PTPN12: variants seen among roughly 807,000 people sequenced by gnomAD.
PTPN12 encodes the protein protein tyrosine phosphatase non-receptor type 12.
A neutral mutation model predicts 97.6 loss-of-function variants in PTPN12; 29 were observed. That is an observed-to-expected ratio of 0.30 (90% CI 0.22 to 0.41). The LOEUF (loss-of-function observed/expected upper bound fraction) is 0.41, where lower values mean the gene tolerates loss of function less well. Among genes scored for constraint, PTPN12 ranks in the 10% least tolerant of loss-of-function variants. The pLI is 1.00. For synonymous variants in PTPN12, 327 were observed against 300.4 expected (o/e 1.09, Z -0.91); for missense variants, 819 against 926.0 (o/e 0.88, Z 1.50).
chr7:77,613,293 G>A (rs1255469333), intron 11 of PTPN12, among the ~76,000 whole-genome samples: 1 of 144,264 alleles, frequency 6.9e-6, no homozygotes, highest in African/African-American at 2.6e-5. Context: ...TCCTGCCTCA[G>A]CCTCCCAAGT....
intron 8 of PTPN12, among the ~76,000 whole-genome samples, chr7:77,605,642 GTC>G (rs1231842729): frequency 6.6e-6 from 1 of 151,352 alleles, no homozygotes; most frequent in Non-Finnish European, 1.5e-5. Context: ...GGCCAGGCTT[GTC>G]TCCTGACCTC....
chr7:77,556,539 C>T (rs1213775803), intron 1 of PTPN12, among the ~76,000 whole-genome samples: 1 of 152,174 alleles, frequency 6.6e-6, no homozygotes, highest in East Asian at 1.9e-4. Context: ...CTCCGCAGGG[C>T]AGACCTTGTT....
chr7:77,545,015 A>G (rs1346965461), intron 1 of PTPN12, among the ~76,000 whole-genome samples: 1 of 152,244 alleles, frequency 6.6e-6, no homozygotes, highest in East Asian at 1.9e-4. Context: ...TTGAATTCAA[A>G]TATTTTAAAT....
chr7:77,548,173 T>C (rs149709067), intron 1 of PTPN12, among the ~76,000 whole-genome samples: 1 of 152,346 alleles, frequency 6.6e-6, no homozygotes, highest in East Asian at 1.9e-4. Context: ...TGTTTCTCAT[T>C]GGCATCTATC....
At chr7:77,609,221 AAAAAT>A (rs537891331) in intron 9 of PTPN12, among the ~76,000 whole-genome samples, 148 of 152,136 alleles carry the variant, frequency 9.7e-4, no homozygotes, top group South Asian at 2.7e-3. Flanking sequence ...CTCCGTCTCA[AAAAAT>A]AAAATAAAAT....
chr7:77,537,441 G>C lies in PTPN12; in HGVS notation c.-106G>C. 1.4e-6 allele frequency: 2 copies of C among 1,408,562 alleles called. No homozygotes were observed. Among genetic ancestry groups the C allele is most frequent in the Non-Finnish European group, 1.9e-6 (2 of 1,075,614 alleles). 87.3% of individuals were successfully genotyped at this position (1,408,562 alleles called of 1,614,324 possible). The stretch of plus-strand genomic sequence containing the variant: ...GCCGCGGGGCTTGGCGGGGTCGGGA[G>C]GGAGGGACGTGCTGGGGGAACGAGC... On this transcript the variant is annotated 5_prime_UTR_variant, in exon 1 of 18. Coordinates refer to ENST00000248594, the MANE Select transcript of PTPN12 (RefSeq NM_002835.4).
At chr7:77,590,009 CCTTGACTTTGAT>C (rs1208476345) in intron 5 of PTPN12, among the ~76,000 whole-genome samples, 1 of 152,116 alleles carries the variant, frequency 6.6e-6, no homozygotes, top group African/African-American at 2.4e-5. Context: ...TATCTGATAA[CCTTGACTTTGAT>C]CTTGACTTTG....
At chr7:77,545,404 A>C (rs2151296186) in intron 1 of PTPN12, among the ~76,000 whole-genome samples, 1 of 152,286 alleles carries the variant, frequency 6.6e-6, no homozygotes, top group African/African-American at 2.4e-5. Flanking sequence ...TTTTATTATT[A>C]AAAATATAAG....
At chr7:77,570,203 AAAAG>A (rs1293247002) in intron 1 of PTPN12, among the ~76,000 whole-genome samples, 5 of 152,244 alleles carry the variant, frequency 3.3e-5, no homozygotes, top group South Asian at 2.1e-4. Flanking sequence ...TTTTCAAAGA[AAAAG>A]AAAGGTTTAT....
At position 77,624,211 on chromosome 7, in the gene PTPN12, GAGCCA is replaced by G. The variant is rs1254930662; in HGVS notation, c.1026-2491_1026-2487del. 3.3e-5 allele frequency among the ~76,000 whole-genome samples: 5 copies of G among 151,276 alleles called. No individual in the cohort carries two copies. The East Asian group carries it at 9.8e-4, about 30-fold the overall frequency. On this transcript the variant is annotated intron_variant, in intron 12 of 17. Coordinates refer to ENST00000248594, the MANE Select transcript of PTPN12 (RefSeq NM_002835.4). ...GAGCCCTGAAGGCAGAGGTTGCAGT[GAGCCA>G]AGATAGTGCAACTGTACTCCAGCCC...
At chr7:77,594,790 A>G (rs1242268996) in intron 6 of PTPN12, among the ~76,000 whole-genome samples, 1 of 152,136 alleles carries the variant, frequency 6.6e-6, no homozygotes, top group Admixed American at 6.6e-5. Flanking sequence ...AGGCCACCAC[A>G]CCCGGCCAAA....
intron 4 of PTPN12, 128 bp from the exon 5 acceptor site, chr7:77,585,414 GA>G (rs1344966402): frequency 1.5e-6 from 1 of 685,708 alleles, no homozygotes; most frequent in Non-Finnish European, 2.4e-6. Flanking sequence ...ATTTAATATT[GA>G]AACTACTTTT....
At chr7:77,576,395 A>G (rs1787343601) in intron 2 of PTPN12, among the ~76,000 whole-genome samples, 1 of 152,066 alleles carries the variant, frequency 6.6e-6, no homozygotes, top group African/African-American at 2.4e-5. Context: ...ATTTCTAAAT[A>G]TGCTTAATAA....
At chr7:77,581,935 A>G (rs543250080) in intron 3 of PTPN12, among the ~76,000 whole-genome samples, 3 of 152,148 alleles carry the variant, frequency 2.0e-5, no homozygotes, top group Non-Finnish European at 4.4e-5. Context: ...GGATTACTGG[A>G]TAATACTGAT....
intron 2 of PTPN12, among the ~76,000 whole-genome samples, chr7:77,572,721 C>T (rs1444956731): frequency 6.6e-6 from 1 of 152,042 alleles, no homozygotes; most frequent in Non-Finnish European, 1.5e-5. Flanking sequence ...GTTTTGTCAT[C>T]CTTAAAATGG....
chr7:77,631,421 T>G (rs1789392883), intron 13 of PTPN12, among the ~76,000 whole-genome samples: 1 of 152,202 alleles, frequency 6.6e-6, no homozygotes, highest in African/African-American at 2.4e-5. Flanking sequence ...GGCAGAACTG[T>G]GTGTTCATTT....
intron 11 of PTPN12, among the ~76,000 whole-genome samples, chr7:77,614,155 G>A (rs1788672924): frequency 6.6e-6 from 1 of 152,100 alleles, no homozygotes; most frequent in Non-Finnish European, 1.5e-5. Context: ...AAAGCACTGA[G>A]ATTACAGGCA....
At chr7:77,637,360 C>T (rs1018805779) in intron 16 of PTPN12, among the ~76,000 whole-genome samples, 16 of 151,900 alleles carry the variant, frequency 1.1e-4, no homozygotes, top group Middle Eastern at 3.2e-3. Flanking sequence ...AGTTAGATCC[C>T]GACTTAAATA....
chr7:77,554,465 A>G (rs1000245172), intron 1 of PTPN12, among the ~76,000 whole-genome samples: 9 of 152,236 alleles, frequency 5.9e-5, no homozygotes, highest in African/African-American at 2.2e-4. Flanking sequence ...ACAAGCATAT[A>G]TAACCAAATA....
Sources: allele counts gnomAD v4.1 joint callset (sites outside exome capture counted in the v4.1 genomes callset), GRCh38; gene constraint gnomAD v4.1.1; transcripts MANE v1.5; gene names NCBI Gene and HGNC (gene_info 2026-07-23, HGNC 2026-07-21).